Variants in DNMBP observed in about 807,000 individuals in gnomAD.
The protein encoded by DNMBP is dynamin binding protein.
A neutral mutation model predicts 150.0 loss-of-function variants in DNMBP; 87 were observed. That is an observed-to-expected ratio of 0.58 (90% CI 0.49 to 0.69). The LOEUF (loss-of-function observed/expected upper bound fraction) is 0.69, where lower values mean the gene tolerates loss of function less well. Ranked by LOEUF, DNMBP falls within the 30% of genes least tolerant of loss-of-function variation. DNMBP has a pLI of 0.00. For missense variants in DNMBP, 1,774 were observed against 1,949.0 expected, an observed-to-expected ratio of 0.91 and a Z score of 1.69; for synonymous variants, 711 against 750.4, an observed-to-expected ratio of 0.95 and a Z score of 0.86.
At chr10:99,925,403 AC>A (rs2040067928) in intron 4 of DNMBP, among the ~76,000 whole-genome samples, 2 of 151,944 alleles carry the variant, frequency 1.3e-5, no homozygotes, top group South Asian at 4.2e-4. Context: ...TTTTACTGTG[AC>A]CCACACTTTA....
At chr10:100,000,614 AAG>A (rs894357175) in intron 1 of DNMBP, among the ~76,000 whole-genome samples, 9 of 152,106 alleles carry the variant, frequency 5.9e-5, no homozygotes, top group Non-Finnish European at 1.3e-4. Context: ...AAAGGAAGCT[AAG>A]AGAGCTTTCT....
intron 1 of DNMBP, among the ~76,000 whole-genome samples, chr10:100,005,048 G>A (rs911561141): frequency 2.6e-5 from 4 of 152,032 alleles, no homozygotes; most frequent in African/African-American, 7.2e-5. Flanking sequence ...AAATTAAAAC[G>A]ACAAGATATC....
At chr10:99,879,781 G>T in intron 16 of DNMBP, 30 bp downstream of exon 16, 1 of 1,609,182 alleles carries the variant, frequency 6.2e-7, no homozygotes, top group Non-Finnish European at 8.5e-7. Context: ...TGCCGCCTGT[G>T]CCACAGTGGC....
chr10:99,945,527 A>G (rs908870054), intron 4 of DNMBP, among the ~76,000 whole-genome samples: 2 of 152,234 alleles, frequency 1.3e-5, no homozygotes, highest in African/African-American at 4.8e-5. Flanking sequence ...TAATAAGCTT[A>G]CTTGTATAGT....
intron 1 of DNMBP, among the ~76,000 whole-genome samples, chr10:100,008,605 A>G (rs2041100421): frequency 6.6e-6 from 1 of 152,258 alleles, no homozygotes. Context: ...AGAATTCTAA[A>G]AATCTTTTCT....
chr10:99,942,652 C>G (rs1392809288), intron 4 of DNMBP, among the ~76,000 whole-genome samples: 1 of 152,218 alleles, frequency 6.6e-6, no homozygotes, highest in Non-Finnish European at 1.5e-5. Flanking sequence ...GTTCACAAGG[C>G]CATCCTACAA....
At chr10:99,906,132 G>GA (rs1356341258) in intron 6 of DNMBP, among the ~76,000 whole-genome samples, 1 of 152,078 alleles carries the variant, frequency 6.6e-6, no homozygotes, top group Non-Finnish European at 1.5e-5. Context: ...CTCCCTTCAG[G>GA]GGGCAGAACC....
chr10:99,988,841 T>C (rs2040855776), intron 1 of DNMBP, among the ~76,000 whole-genome samples: 2 of 152,076 alleles, frequency 1.3e-5, no homozygotes, highest in African/African-American at 4.8e-5. Flanking sequence ...TTTGTATTTT[T>C]AGTAGAGATG....
In DNMBP at chr10:99,955,957, G is replaced by GTA; in HGVS notation, c.1515_1516dup (p.Thr506IlefsTer19). The GTA allele has an allele frequency of 6.2e-7, 1 of 1,614,160 alleles. No homozygotes were observed. The highest frequency in any genetic ancestry group is 8.5e-7 in the Non-Finnish European group (1 of 1,180,024). The stretch of plus-strand genomic sequence containing the variant: ...AACACTGGACGTGTGGTGCTTTTTA[G>GTA]TATAACTTGCTAGGTTGTGGAGCTG... On this transcript the variant is annotated frameshift_variant, in exon 4 of 17. Coordinates refer to ENST00000324109, the MANE Select transcript of DNMBP (RefSeq NM_015221.4). LOFTEE classifies it high-confidence loss of function.
intron 1 of DNMBP, among the ~76,000 whole-genome samples, chr10:99,977,574 CT>C (rs2133361729): frequency 6.6e-6 from 1 of 152,242 alleles, no homozygotes; most frequent in East Asian, 1.9e-4. Context: ...GGGAGTCATT[CT>C]GCATTTGAAA....
At chr10:99,891,825 G>A (rs1389568491) in intron 11 of DNMBP, among the ~76,000 whole-genome samples, 11 of 147,596 alleles carry the variant, frequency 7.5e-5, no homozygotes, top group Admixed American at 4.7e-4. Context: ...CTGCCCCGCC[G>A]CCCCATCTGG....
chr10:99,934,149 T>C (rs1202836464), intron 4 of DNMBP, among the ~76,000 whole-genome samples: 1 of 152,152 alleles, frequency 6.6e-6, no homozygotes, highest in African/African-American at 2.4e-5. Flanking sequence ...AACCAAATAA[T>C]ATCAAATTTG....
intron 11 of DNMBP, among the ~76,000 whole-genome samples, chr10:99,890,877 C>T (rs1033905076): frequency 2.0e-5 from 3 of 152,290 alleles, no homozygotes; most frequent in Non-Finnish European, 2.9e-5. Context: ...AAACTCCTGA[C>T]GTCAGCTGAT....
At chr10:99,958,901 A>C (rs942792885) in intron 3 of DNMBP, among the ~76,000 whole-genome samples, 3 of 152,264 alleles carry the variant, frequency 2.0e-5, no homozygotes, top group Admixed American at 1.3e-4. Context: ...TTAACTCGTA[A>C]GAAATTACCA....
intron 4 of DNMBP, chr10:99,930,279 C>G (rs1229885169): frequency 2.8e-6 from 2 of 703,008 alleles, no homozygotes; most frequent in Non-Finnish European, 2.6e-6. Flanking sequence ...ATCCAAACCC[C>G]TACAGTCAGT....
Position 99,877,130 on chromosome 10 carries a change from T to C in DNMBP, c.*21A>G. 6.3e-7 allele frequency: 1 copy of C among 1,591,272 alleles called. No individual in the cohort carries two copies. The highest frequency in any genetic ancestry group is 8.6e-7 in the Non-Finnish European group (1 of 1,168,320). ...GGACTGAAAGCAAAGGCAGCAAGGC[T>C]GGGTGGCAGGCAACGTGGGCTCAGG... On this transcript the variant is annotated 3_prime_UTR_variant, in exon 17 of 17. Transcript: ENST00000324109.
At chr10:100,007,121 A>G (rs1472973867) in intron 1 of DNMBP, among the ~76,000 whole-genome samples, 1 of 152,088 alleles carries the variant, frequency 6.6e-6, no homozygotes, top group African/African-American at 2.4e-5. Flanking sequence ...TCTCCAAAAA[A>G]AAAAAAGTTA....
chr10:99,958,349 A>G (rs1037004011), intron 3 of DNMBP: 1 of 152,262 alleles, frequency 6.6e-6, no homozygotes, highest in African/African-American at 2.4e-5. Context: ...GTGACAATAT[A>G]GGAATTACAC....
intron 4 of DNMBP, among the ~76,000 whole-genome samples, chr10:99,934,662 G>T (rs1164261470): frequency 7.4e-6 from 1 of 135,922 alleles, no homozygotes; most frequent in African/African-American, 2.8e-5. Flanking sequence ...TTTGGCCCGG[G>T]GAGGGAGATG....
Sources: gnomAD v4.1 joint callset for allele counts (sites outside exome capture counted in the v4.1 genomes callset) on GRCh38, gnomAD v4.1.1 for gene constraint, MANE v1.5 for transcripts, NCBI Gene and HGNC (gene_info 2026-07-23, HGNC 2026-07-21) for gene names.